The following SPDYE1 variants were observed in gnomAD, a reference collection of about 807,000 sequenced individuals.
SPDYE1 encodes the protein speedy protein E1.
Under a neutral mutation model 45.9 loss-of-function variants are expected in SPDYE1, and 29 were observed. The ratio of observed to expected loss-of-function variants is 0.63; its 90% CI spans 0.47 to 0.86. The LOEUF is 0.86. SPDYE1 is among the 40% of genes least tolerant of loss of function. The pLI is 0.00. For synonymous variants in SPDYE1, 134 were observed against 176.8 expected, an observed-to-expected ratio of 0.76 and a Z score of 1.92; for missense variants, 346 against 481.4, an observed-to-expected ratio of 0.72 and a Z score of 2.63.
At chr7:44,004,322 ACT>A (rs1432420648) in intron 5 of SPDYE1, 3 of 308,506 alleles carry the variant, frequency 9.7e-6, no homozygotes, top group African/African-American at 4.4e-5. Flanking sequence ...GACGTCAGCC[ACT>A]GTGCCCGACC....
chr7:44,007,081 G>A, intron 6 of SPDYE1, 187 bp from the exon 7 acceptor site: 1 of 1,408,000 alleles, frequency 7.1e-7, no homozygotes, highest in Non-Finnish European at 9.5e-7. Context: ...CATCCTGAAG[G>A]AGTGGGAGAC....
At chr7:44,006,639 G>C (rs1585939958) in intron 6 of SPDYE1, among the ~76,000 whole-genome samples, 2 of 152,204 alleles carry the variant, frequency 1.3e-5, no homozygotes, top group Middle Eastern at 6.8e-3. Context: ...TATTGAGACA[G>C]AGTCTTGCTC....
Position 44,008,993 on chromosome 7 carries a change from G to A in SPDYE1, c.*372G>A, listed in dbSNP as rs542289508. ...GGAACCTGGAGGTCCTGTTTCTTACGGACTTGGTTGCCACAGTCCAGGAGC... is the reference window on the plus strand; with the variant it reads ...GGAACCTGGAGGTCCTGTTTCTTACAGACTTGGTTGCCACAGTCCAGGAGC... On this transcript the variant is annotated 3_prime_UTR_variant, in exon 9 of 9. Transcript: ENST00000693451. 183 of 413,046 alleles carry A rather than the reference G, an allele frequency of 4.4e-4. No individual in the cohort carries two copies. The highest frequency in any genetic ancestry group is 8.4e-4 in the Middle Eastern group (1 of 1,196). The allele number at this position is 413,046 out of a possible 1,614,324, so 25.6% of individuals were successfully genotyped here. A position where few individuals can be genotyped will look rare whatever the true frequency, so the allele number is the denominator to read the frequency against.
intron 8 of SPDYE1, among the ~76,000 whole-genome samples, chr7:44,008,312 A>G (rs1230110625): frequency 1.3e-5 from 2 of 152,190 alleles, no homozygotes; most frequent in African/African-American, 4.8e-5. Flanking sequence ...CACATCTAGC[A>G]TGGTTACAAG....
Position 44,007,307 on chromosome 7 carries a change from C to T in SPDYE1, c.792C>T (p.Ser264=). The change falls in exon 7 of 9, where the codon TCC becomes TCT. Residue 264 remains serine, a synonymous_variant. Transcript: ENST00000693451. The stretch of plus-strand genomic sequence containing the variant: ...ACATGGAGGAGGACGACGAGGACTC[C>T]AAACAAAACATCTTCCACTTCCTGT... ...ANDMEEDDED[S]KQNIFHFLYG... The T allele has an allele frequency of 6.2e-7, 1 of 1,613,028 alleles. No homozygotes were observed. The highest frequency in any genetic ancestry group is 2.2e-5 in the East Asian group (1 of 44,894).
chr7:44,005,147 C>G lies in SPDYE1; in HGVS notation c.672C>G (p.Leu224=). Residue 224 remains leucine (L), a synonymous_variant, in exon 6 of 9, where the codon CTC becomes CTG. Coordinates refer to ENST00000693451, the MANE Select transcript of SPDYE1 (RefSeq NM_001378423.2). The part of the protein sequence containing the change: ...DKDLRVSDKY[L]LAMVIAYFSR... Reference sequence around the variant, plus strand: ...TGTTCCTTTCTCTCCATCAGTATCTCCTTGCTATGGTCATAGCGTATTTCA... The same window carrying G: ...TGTTCCTTTCTCTCCATCAGTATCTGCTTGCTATGGTCATAGCGTATTTCA... 1 of 1,611,978 alleles carries G rather than the reference C, an allele frequency of 6.2e-7. No homozygotes were observed. The highest frequency in any genetic ancestry group is 8.5e-7 in the Non-Finnish European group (1 of 1,179,832).
rs1287111088 is a variant in SPDYE1, at chr7:44,007,489, A to G, written c.974A>G (p.Lys325Arg). The G allele has an allele frequency of 1.5e-5, 25 of 1,613,736 alleles. No individual in the cohort carries two copies. Among genetic ancestry groups the G allele is most frequent in the Non-Finnish European group, 2.1e-5 (25 of 1,179,946 alleles). The change falls in exon 7 of 9, where the codon AAG becomes AGG. Residue 325 changes from lysine (K) to arginine (R), a missense_variant. Lys to Arg is a conservative substitution (Grantham distance 26, BLOSUM62 2). Around this residue, in one of 4 missense-constraint regions of SPDYE1, gnomAD observed 186 missense variants for 219.1 expected, o/e 0.85. Transcript: ENST00000693451. ...CGTTGCATGAACCCGAGGGCCAGGA[A>G]GAACCGCTCTCAGATAGTCCTGTTC... ...LRRCMNPRAR[K>R]NRSQIVLFQK... is the part of the protein sequence containing the mutation.
chr7:44,002,686 G>T lies in SPDYE1; in HGVS notation c.476G>T (p.Arg159Leu), dbSNP rs538954745. Residue 159 changes from arginine to leucine, a missense_variant, in exon 4 of 9, where the codon CGG becomes CTG. Arg to Leu is a moderately radical substitution (Grantham distance 102, BLOSUM62 -2). Coordinates refer to ENST00000693451, the MANE Select transcript of SPDYE1 (RefSeq NM_001378423.2). ...TCTGAGGAGTCGGAGGAGGAGCCAC[G>T]GAAGGTGCTCGCCCCTGAGCCTGAG... ...DKSEESEEEP[R>L]KVLAPEPEEI... 1 of 1,597,206 alleles carries T rather than the reference G, an allele frequency of 6.3e-7. No homozygotes were observed. The highest frequency in any genetic ancestry group is 1.3e-5 in the African/African-American group (1 of 74,674).
rs1433183418 is a variant in SPDYE1, at chr7:44,001,076, A to C, written c.171A>C (p.Val57=). 2 of 1,597,680 alleles carry C rather than the reference A, an allele frequency of 1.3e-6. No individual in the cohort carries two copies. The highest frequency in any genetic ancestry group is 4.5e-5 in the East Asian group (2 of 44,842). ...DEVLGPSAPG[V]DPSPPCRSLG... ...GGTTTCTTTACTCAGCCCCTGGGGT[A>C]GATCCCAGCCCCCCATGTAGGTCCC... The change falls in exon 3 of 9, where the codon GTA becomes GTC. Residue 57 remains valine, a synonymous_variant. Transcript: ENST00000693451.
chr7:44,007,284 A>C lies in SPDYE1; in HGVS notation c.769A>C (p.Met257Leu). The C allele has an allele frequency of 6.2e-7, 1 of 1,612,722 alleles. No homozygotes were observed. The highest frequency in any genetic ancestry group is 1.1e-5 in the South Asian group (1 of 91,000). Residue 257 changes from methionine to leucine, a missense_variant, in exon 7 of 9, where the codon ATG becomes CTG. Physicochemically the swap from Met to Leu is conservative, Grantham distance 15. This residue lies in a region of SPDYE1 where 186 missense variants were observed against 219.1 expected (regional missense o/e 0.85). Transcript: ENST00000693451. ...TGTCCTCAGCTACCTGGCCAATGACATGGAGGAGGACGACGAGGACTCCAA... is the reference window on the plus strand; with the variant it reads ...TGTCCTCAGCTACCTGGCCAATGACCTGGAGGAGGACGACGAGGACTCCAA... ...FFLALYLAND[M>L]EEDDEDSKQN...
At position 44,000,854 on chromosome 7, in the gene SPDYE1, T is replaced by C. The variant is rs548975345; in HGVS notation, c.161-212T>C. The C allele has an allele frequency of 2.4e-4, 315 of 1,308,976 alleles. 4 individuals are homozygous for C. The South Asian group carries it at 4.8e-3, about 20-fold the overall frequency. 81.1% of individuals were successfully genotyped at this position (1,308,976 alleles called of 1,614,324 possible). On this transcript the variant is annotated intron_variant, in intron 2 of 8. Transcript: ENST00000693451. The stretch of plus-strand genomic sequence containing the variant: ...GAGAGCCAGGGACCAGGGAAGGACA[T>C]GAAGCAGCGTTCGGAGGACAGAGAG...
At chr7:44,005,392 C>T (rs1247911230) in intron 6 of SPDYE1, 165 bp downstream of exon 6, 5 of 1,149,056 alleles carry the variant, frequency 4.4e-6, no homozygotes, top group Non-Finnish European at 6.3e-6. Context: ...TAAACAGAAA[C>T]TCAGGCTGGG....
chr7:44,001,513 G>C (rs1028259437), intron 3 of SPDYE1, among the ~76,000 whole-genome samples: 1 of 152,128 alleles, frequency 6.6e-6, no homozygotes, highest in Non-Finnish European at 1.5e-5. Context: ...TTCGGGCTAG[G>C]TGCAGTGGCT....
chr7:44,007,167 G>A (rs887821404), intron 6 of SPDYE1, 101 bp from the exon 7 acceptor site: 5 of 1,605,552 alleles, frequency 3.1e-6, no homozygotes, highest in Admixed American at 3.3e-5. Context: ...TGCCAGTCCT[G>A]AGCTAGGAAC....
Position 44,002,593 on chromosome 7 carries a change from C to T in SPDYE1, c.383C>T (p.Pro128Leu). 6.3e-7 allele frequency: 1 copy of T among 1,582,916 alleles called. No individual in the cohort carries two copies. Among genetic ancestry groups the T allele is most frequent in the Non-Finnish European group, 8.5e-7 (1 of 1,173,562 alleles). Residue 128 changes from proline to leucine, a missense_variant, in exon 4 of 9, where the codon CCT (proline) becomes CTT (leucine). Around this residue, in one of 4 missense-constraint regions of SPDYE1, gnomAD observed 141 missense variants for 176.7 expected, o/e 0.80. Transcript: ENST00000693451. ...GTGGCCTGGTTTCTTTACTCAGCCC[C>T]TGGGGTAGATCCCAGCCCCCCGCAT... is the stretch of plus-strand genomic sequence containing the variant. ...HHKDFNSQLA[P>L]GVDPSPPHRS...
At chr7:43,998,295 C>T (rs1159843625) in intron 1 of SPDYE1, among the ~76,000 whole-genome samples, 7 of 151,970 alleles carry the variant, frequency 4.6e-5, no homozygotes, top group Non-Finnish European at 1.0e-4. Flanking sequence ...ATCAGGAAAA[C>T]GTGTGGGAAC....
rs1232810014 is a variant in SPDYE1 at position 44,006,519 on chromosome 7, C to T, written c.753-749C>T. On this transcript the variant is annotated intron_variant, in intron 6 of 8. Coordinates refer to ENST00000693451, the MANE Select transcript of SPDYE1 (RefSeq NM_001378423.2). ...AGTGCAGTGGTGAGATCATAGCTCA[C>T]CGCAGCCTCCATATCCTGGGCTCAA... 2.0e-5 allele frequency among the ~76,000 whole-genome samples: 3 copies of T among 151,352 alleles called. No individual in the cohort carries two copies. The East Asian group carries it at 5.8e-4, about 29-fold the overall frequency.
rs187891780 is a variant in SPDYE1, at chr7:43,999,172, A to T, written c.-422-356A>T. Among the ~76,000 whole-genome samples the T allele has an allele frequency of 4.6e-5, 7 of 152,274 alleles. No individual in the cohort carries two copies. The East Asian group carries it at 1.4e-3, about 29-fold the overall frequency. On this transcript the variant is annotated intron_variant, in intron 1 of 8. Transcript: ENST00000693451. ...CCCTGAAATTGGGGACACCATTGGA[A>T]ATATGTGTGAGCTCCATTGGAAATA...
chr7:44,002,949 T>G, intron 4 of SPDYE1, 132 bp downstream of exon 4: 1 of 559,844 alleles, frequency 1.8e-6, no homozygotes, highest in Non-Finnish European at 3.0e-6. Flanking sequence ...GAATGTGAAG[T>G]GATCACTCAT....
Sources: gnomAD v4.1 joint callset for allele counts (sites outside exome capture counted in the v4.1 genomes callset) on GRCh38, gnomAD v4.1.1 for gene constraint, gnomAD v4.1.1 regional missense constraint, MANE v1.5 for transcripts, NCBI Gene and HGNC (gene_info 2026-07-23, HGNC 2026-07-21) for gene names.